Variants in MCF2L2 observed in about 807,000 individuals in gnomAD.
MCF2L2 encodes MCF.2 cell line derived transforming sequence-like 2.
A neutral mutation model predicts 150.2 loss-of-function variants in MCF2L2; 102 were observed. The ratio of observed to expected loss-of-function variants is 0.68; its 90% confidence interval spans 0.58 to 0.80. The LOEUF is 0.80. Among genes scored for constraint, MCF2L2 ranks in the 30% least tolerant of loss-of-function variants. The pLI is 0.00. For missense variants in MCF2L2, 1,256 were observed against 1,372.8 expected (o/e 0.91, Z 1.34); for synonymous variants, 465 against 491.3 (o/e 0.95, Z 0.71).
At chr3:183,289,975 A>C (rs536541772) in intron 13 of MCF2L2, among the ~76,000 whole-genome samples, 6 of 152,350 alleles carry the variant, frequency 3.9e-5, no homozygotes, top group African/African-American at 1.4e-4. Flanking sequence ...GTACAGCATA[A>C]TGTTGCACTT....
At chr3:183,382,051 TTTATTATTA>T (rs3050286) in intron 2 of MCF2L2, among the ~76,000 whole-genome samples, 13 of 148,458 alleles carry the variant, frequency 8.8e-5, no homozygotes, top group African/African-American at 1.2e-4. Flanking sequence ...AATTTCACCT[TTTATTATTA>T]TTATTATTAT....
chr3:183,207,638 A>G lies in MCF2L2; in HGVS notation c.2682T>C (p.Ser894=). 2 of 1,614,130 alleles carry G rather than the reference A, an allele frequency of 1.2e-6. No homozygotes were observed. Among genetic ancestry groups the G allele is most frequent in the Non-Finnish European group, 1.7e-6 (2 of 1,179,938 alleles). ...TGGTCTTCTTGAAGCTGTAATGAGG[A>G]GATAATCCCTGGTCCCCAGGCTCCA... ...IRMEPGDQGL[S]PHYSFKKTMK... is the part of the protein sequence containing the mutation. The change falls in exon 23 of 30, where the codon TCT becomes TCC. Residue 894 remains serine (S), a synonymous_variant. Transcript: ENST00000328913.
chr3:183,325,832 G>A lies in MCF2L2; in HGVS notation c.487-2481C>T, dbSNP rs76093562. Among the ~76,000 whole-genome samples, 99 of 152,288 alleles carry A rather than the reference G, an allele frequency of 6.5e-4. No homozygotes were observed. The East Asian group carries it at 0.018, about 28-fold the overall frequency. On this transcript the variant is annotated intron_variant, in intron 5 of 29. Coordinates refer to ENST00000328913, the MANE Select transcript of MCF2L2 (RefSeq NM_015078.4). ...TTTAGATGACGAAGAGGAATTTTAA[G>A]TTGAAAGCGAAAAGTGAAAATTAAA...
chr3:183,402,451 CAA>C (rs779201489), intron 1 of MCF2L2, among the ~76,000 whole-genome samples: 2,472 of 54,766 alleles, frequency 0.045, 95 homozygotes, highest in African/African-American at 0.11. Context: ...GAGACTCCAT[CAA>C]AAAAAAAAAA....
intron 5 of MCF2L2, among the ~76,000 whole-genome samples, chr3:183,329,370 A>T (rs1418475450): frequency 1.3e-5 from 2 of 152,086 alleles, no homozygotes; most frequent in Admixed American, 1.3e-4. Flanking sequence ...TATTTTTAGT[A>T]GAGACGGGGT....
chr3:183,407,850 A>C (rs769077221), intron 1 of MCF2L2, among the ~76,000 whole-genome samples: 1 of 152,186 alleles, frequency 6.6e-6, no homozygotes, highest in Non-Finnish European at 1.5e-5. Context: ...AGAATGCAAG[A>C]GTTCATAAGG....
At chr3:183,262,790 G>A (rs994672662) in intron 15 of MCF2L2, among the ~76,000 whole-genome samples, 1 of 152,024 alleles carries the variant, frequency 6.6e-6, no homozygotes, top group Non-Finnish European at 1.5e-5. Flanking sequence ...AGAAGGTTCG[G>A]GACAAGTTCA....
chr3:183,301,813 AAAAG>A (rs1225806896), intron 10 of MCF2L2, among the ~76,000 whole-genome samples: 1 of 151,600 alleles, frequency 6.6e-6, no homozygotes, highest in East Asian at 1.9e-4. Context: ...AAAAAAAGAG[AAAAG>A]AAAGCCTGAC....
chr3:183,361,889 G>C (rs899390798), intron 3 of MCF2L2, among the ~76,000 whole-genome samples: 1 of 152,226 alleles, frequency 6.6e-6, no homozygotes, highest in Non-Finnish European at 1.5e-5. Flanking sequence ...GGGTGGCTGA[G>C]AGAGTGACAT....
At chr3:183,290,323 G>C (rs749973586) in intron 13 of MCF2L2, among the ~76,000 whole-genome samples, 13 of 151,788 alleles carry the variant, frequency 8.6e-5, no homozygotes, top group Non-Finnish European at 1.8e-4. Flanking sequence ...CCATTTGGTA[G>C]TAAAATTGGG....
intron 27 of MCF2L2, among the ~76,000 whole-genome samples, chr3:183,191,332 T>C (rs1721884973): frequency 6.6e-6 from 1 of 152,220 alleles, no homozygotes; most frequent in Admixed American, 6.5e-5. Context: ...ACGTATACAC[T>C]GAATATATCA....
At chr3:183,354,794 T>C (rs1472913163) in intron 3 of MCF2L2, among the ~76,000 whole-genome samples, 4 of 152,188 alleles carry the variant, frequency 2.6e-5, no homozygotes, top group Non-Finnish European at 5.9e-5. Flanking sequence ...TGTCATGGCG[T>C]CGTGGTCCTT....
intron 27 of MCF2L2, among the ~76,000 whole-genome samples, chr3:183,192,081 C>A (rs558990572): frequency 3.6e-4 from 55 of 151,056 alleles, no homozygotes; most frequent in African/African-American, 1.2e-3. Flanking sequence ...GATCTCCTGA[C>A]CTCGTGATCC....
Position 183,341,574 on chromosome 3 carries a change from C to T in MCF2L2, c.332G>A (p.Trp111Ter). ...IVVIDRRRDK[W>*]SSVKASLTRI... is the part of the protein sequence containing the mutation. Reference sequence around the variant, plus strand: ...TGTCAAGGATGCCTTTACGGAGCTCCACTTGTCTCTTCGTCTGTCGATAAC... The same window carrying T: ...TGTCAAGGATGCCTTTACGGAGCTCTACTTGTCTCTTCGTCTGTCGATAAC... Residue 111 changes from tryptophan to a stop codon, truncating the protein, a stop_gained, in exon 4 of 30, where the codon TGG (tryptophan) becomes TAG (stop). Coordinates refer to ENST00000328913, the MANE Select transcript of MCF2L2 (RefSeq NM_015078.4). LOFTEE classifies it high-confidence loss of function. 6.2e-7 allele frequency: 1 copy of T among 1,614,020 alleles called. No individual in the cohort carries two copies. Among genetic ancestry groups the T allele is most frequent in the Non-Finnish European group, 8.5e-7 (1 of 1,179,874 alleles).
At chr3:183,351,461 G>A (rs2108553718) in intron 3 of MCF2L2, among the ~76,000 whole-genome samples, 1 of 152,032 alleles carries the variant, frequency 6.6e-6, no homozygotes, top group South Asian at 2.1e-4. Flanking sequence ...TGAGTCAAAT[G>A]TAGGGTGACA....
chr3:183,391,897 CTTTTT>C (rs951372936), intron 1 of MCF2L2, among the ~76,000 whole-genome samples: 5 of 144,884 alleles, frequency 3.5e-5, no homozygotes, highest in African/African-American at 1.4e-4. Context: ...TTTGATTTCT[CTTTTT>C]TAAGATATAG....
intron 9 of MCF2L2, chr3:183,310,594 T>C (rs1214187663): frequency 1.3e-5 from 4 of 313,886 alleles, no homozygotes; most frequent in Non-Finnish European, 1.9e-5. Context: ...GCCCAGAAGA[T>C]CAAAGCTGCA....
intron 15 of MCF2L2, among the ~76,000 whole-genome samples, chr3:183,262,700 G>A (rs1302067056): frequency 6.6e-6 from 1 of 151,254 alleles, no homozygotes; most frequent in African/African-American, 2.4e-5. Flanking sequence ...AAGCAGACAG[G>A]AGGTGAAGTC....
chr3:183,198,450 G>A (rs1722147545), intron 25 of MCF2L2, among the ~76,000 whole-genome samples: 1 of 152,128 alleles, frequency 6.6e-6, no homozygotes, highest in African/African-American at 2.4e-5. Flanking sequence ...CAGGAGAAAG[G>A]GAATGCAAAG....
Sources: allele counts gnomAD v4.1 joint callset (sites outside exome capture counted in the v4.1 genomes callset), GRCh38; gene constraint gnomAD v4.1.1; transcripts MANE v1.5; gene names NCBI Gene and HGNC (gene_info 2026-07-23, HGNC 2026-07-21).